The following SOX5 variants were observed in gnomAD, a reference collection of about 807,000 sequenced individuals.
SOX5 encodes SRY-box transcription factor 5.
In SOX5, 9 loss-of-function variants were observed where a neutral mutation model predicts 92.0. The ratio of observed to expected loss-of-function variants is 0.10; its 90% CI spans 0.06 to 0.17. The LOEUF (loss-of-function observed/expected upper bound fraction) is 0.17. Ranked by LOEUF, SOX5 falls within the 10% of genes least tolerant of loss-of-function variation. The pLI is 1.00. For synonymous variants in SOX5, 344 were observed against 336.3 expected, an observed-to-expected ratio of 1.02 and a Z score of -0.25; for missense variants, 642 against 944.5, an observed-to-expected ratio of 0.68 and a Z score of 4.20.
intron 1 of SOX5, among the ~76,000 whole-genome samples, chr12:24,506,418 AAGAG>A (rs559214768): frequency 1.4e-5 from 2 of 146,814 alleles, no homozygotes; most frequent in African/African-American, 2.5e-5. Flanking sequence ...AAAAAAAAAA[AAGAG>A]AGAGAGAGAT....
At position 24,034,634 on chromosome 12, in the gene SOX5, A is replaced by G. The variant is rs570614221; in HGVS notation, c.-1-138610T>C. ...ATAGTTTCCTCCAAATCAGTATTTT[A>G]TCCAACTTGATTGAATGCAACAGGC... is the stretch of plus-strand genomic sequence containing the variant. On this transcript the variant is annotated intron_variant, in intron 4 of 4. Transcript: ENST00000446891. Among the ~76,000 whole-genome samples, 3 of 147,102 alleles carry G rather than the reference A, an allele frequency of 2.0e-5. No individual in the cohort carries two copies. In the East Asian group the frequency reaches 6.0e-4, roughly 29 times the overall value.
At chr12:23,569,524 T>C (rs1034435921) in intron 10 of SOX5, among the ~76,000 whole-genome samples, 2 of 152,164 alleles carry the variant, frequency 1.3e-5, no homozygotes, top group African/African-American at 4.8e-5. Context: ...CTGAGATAAG[T>C]CCCAAACTCT....
chr12:23,668,789 C>T (rs1286340954), intron 6 of SOX5, among the ~76,000 whole-genome samples: 2 of 152,090 alleles, frequency 1.3e-5, no homozygotes, highest in Non-Finnish European at 2.9e-5. Context: ...ATTTTAAAAA[C>T]TTTTAAGAAG....
intron 2 of SOX5, among the ~76,000 whole-genome samples, chr12:24,285,812 G>C (rs1163913027): frequency 2.6e-5 from 4 of 152,134 alleles, no homozygotes; most frequent in Admixed American, 2.6e-4. Context: ...AAAATTATGG[G>C]ATGATGAATC....
intron 2 of SOX5, among the ~76,000 whole-genome samples, chr12:24,278,597 G>T (rs1253353648): frequency 1.4e-4 from 22 of 152,028 alleles, no homozygotes; most frequent in Admixed American, 1.4e-3. Flanking sequence ...TGTAGTCCCA[G>T]CTATTTGGGA....
chr12:24,021,245 A>G (rs1954251286), intron 4 of SOX5, among the ~76,000 whole-genome samples: 2 of 152,196 alleles, frequency 1.3e-5, no homozygotes, highest in African/African-American at 4.8e-5. Context: ...GAAGCCCTGC[A>G]TGAGATGGGG....
At chr12:24,449,915 G>A (rs1394672428) in intron 1 of SOX5, among the ~76,000 whole-genome samples, 1 of 151,990 alleles carries the variant, frequency 6.6e-6, no homozygotes, top group Non-Finnish European at 1.5e-5. Flanking sequence ...GTGTTCCCTA[G>A]CCCCCACACA....
chr12:23,945,645 TGTA>T (rs947956351), intron 1 of SOX5, among the ~76,000 whole-genome samples: 4 of 152,130 alleles, frequency 2.6e-5, no homozygotes, highest in Non-Finnish European at 5.9e-5. Context: ...TCCTCTACAA[TGTA>T]GTAGTAAATA....
chr12:24,073,519 CT>C lies in SOX5; in HGVS notation c.-2+139823del, dbSNP rs1942078113. On this transcript the variant is annotated intron_variant, in intron 4 of 4. Coordinates refer to the SOX5 transcript ENST00000446891. ...TCATGCTACCTTCTGTAAAAATGGT[CT>C]CTTCATTTTCTGGGATGGTAACTTA... Among the ~76,000 whole-genome samples the C allele has an allele frequency of 1.3e-5, 2 of 152,108 alleles. 1 individual carries two copies. The highest frequency in any genetic ancestry group is 4.1e-4 in the South Asian group (2 of 4,832).
intron 1 of SOX5, among the ~76,000 whole-genome samples, chr12:23,911,859 CAGA>C (rs2138424297): frequency 6.6e-6 from 1 of 152,190 alleles, no homozygotes; most frequent in East Asian, 1.9e-4. Flanking sequence ...GAAGGAAACA[CAGA>C]AGAACATCTT....
In SOX5 at chr12:23,652,714, C is replaced by T. The variant is rs1011063832; in HGVS notation, c.932-11817G>A. On this transcript the variant is annotated intron_variant, in intron 7 of 14. Coordinates refer to ENST00000451604, the MANE Select transcript of SOX5 (RefSeq NM_006940.6). ...ATTTCTCCATCCCTTTCACCCTCCA[C>T]GGCCAATAAATCATGAAGATCTTTT... Among the ~76,000 whole-genome samples the T allele has an allele frequency of 7.9e-5, 12 of 152,046 alleles. 1 individual carries two copies. The highest frequency in any genetic ancestry group is 4.2e-4 in the South Asian group (2 of 4,812).
chr12:23,842,395 T>C lies in SOX5; in HGVS notation c.481+3588A>G, dbSNP rs79865478. Among the ~76,000 whole-genome samples the C allele has an allele frequency of 0.046, 6,989 of 152,166 alleles. 787 individuals are homozygous for C. The East Asian group carries it at 0.46, about 10-fold the overall frequency. On this transcript the variant is annotated intron_variant, in intron 3 of 14. Transcript: ENST00000451604. ...GTAAGAACTCATGTTCAGCTTAATA[T>C]AGACAAATATAGAAATATTTATAGA...
At chr12:24,326,579 A>G (rs957797345) in intron 2 of SOX5, among the ~76,000 whole-genome samples, 2 of 152,156 alleles carry the variant, frequency 1.3e-5, no homozygotes, top group Admixed American at 1.3e-4. Context: ...GCTTTTCCTT[A>G]CAATATCCAG....
intron 9 of SOX5, chr12:23,584,641 C>G (rs1006677476): frequency 3.3e-6 from 5 of 1,504,516 alleles, no homozygotes; most frequent in Non-Finnish European, 4.6e-6. Flanking sequence ...CGACAGTTAA[C>G]TGATATAAAC....
intron 3 of SOX5, among the ~76,000 whole-genome samples, chr12:24,245,373 TA>T (rs11323922): frequency 1 from 152,075 of 152,076 alleles, 76,037 homozygotes; most frequent in Non-Finnish European, 1. Flanking sequence ...AATTAATGAA[TA>T]AAACTAAAAA....
chr12:23,582,235 C>T, intron 9 of SOX5: 3 of 985,064 alleles, frequency 3.0e-6, no homozygotes, highest in Non-Finnish European at 3.6e-6. Flanking sequence ...AGCCCTCTTT[C>T]ACCTCTCCTA....
chr12:23,684,415 T>C (rs896235295), intron 6 of SOX5, among the ~76,000 whole-genome samples: 4 of 152,026 alleles, frequency 2.6e-5, no homozygotes, highest in Non-Finnish European at 5.9e-5. Flanking sequence ...TTGTCTTACA[T>C]AAAGGCAGCT....
intron 6 of SOX5, among the ~76,000 whole-genome samples, chr12:23,716,288 A>G (rs1053493812): frequency 2.6e-5 from 4 of 152,214 alleles, no homozygotes; most frequent in African/African-American, 9.6e-5. Context: ...TAACAGAGGA[A>G]AAGAAAAAAA....
At chr12:24,433,438 T>G (rs1408189721) in intron 1 of SOX5, among the ~76,000 whole-genome samples, 1 of 152,198 alleles carries the variant, frequency 6.6e-6, no homozygotes, top group Non-Finnish European at 1.5e-5. Flanking sequence ...GAGCACTCAC[T>G]TGATTAAAGA....
Sources: allele counts gnomAD v4.1 joint callset (sites outside exome capture counted in the v4.1 genomes callset), GRCh38; gene constraint gnomAD v4.1.1; transcripts MANE v1.5; gene names NCBI Gene and HGNC (gene_info 2026-07-23, HGNC 2026-07-21).